FOXN3: variants seen among roughly 807,000 people sequenced by gnomAD.
FOXN3 encodes the protein forkhead box protein N3.
Under a neutral mutation model 38.4 loss-of-function variants are expected in FOXN3, and 7 were observed. The observed-to-expected ratio is 0.18, with a 90% CI of 0.10 to 0.34. The LOEUF is 0.34. Among genes scored for constraint, FOXN3 ranks in the 10% least tolerant of loss-of-function variants. FOXN3 has a pLI of 1.00. For synonymous variants in FOXN3, 230 were observed against 242.2 expected, an observed-to-expected ratio of 0.95 and a Z score of 0.47; for missense variants, 456 against 613.4, an observed-to-expected ratio of 0.74 and a Z score of 2.71.
chr14:89,436,596 G>C (rs558667468), intron 1 of FOXN3, among the ~76,000 whole-genome samples: 2 of 152,202 alleles, frequency 1.3e-5, no homozygotes, highest in Non-Finnish European at 2.9e-5. Flanking sequence ...TTAGGACTCA[G>C]TGCACAAATC....
rs8011758 is a variant in FOXN3 at position 89,160,115 on chromosome 14, C to G, written c.*2299G>C. On this transcript the variant is annotated 3_prime_UTR_variant, in exon 6 of 6. Coordinates refer to ENST00000557258, the MANE Select transcript of FOXN3 (RefSeq NM_005197.4). ...CATCTCTGTTCCCTCCCTCTCCTCA[C>G]GCATCATATCCTGAGCCACAGTACT... is the stretch of plus-strand genomic sequence containing the variant. 2 of 151,746 alleles carry G rather than the reference C, an allele frequency of 1.3e-5. No homozygotes were observed. The highest frequency in any genetic ancestry group is 2.4e-5 in the African/African-American group (1 of 41,246). The allele number at this position is 151,746 out of a possible 1,614,324, so 9.4% of individuals were successfully genotyped here.
intron 3 of FOXN3, among the ~76,000 whole-genome samples, chr14:89,320,029 A>G (rs1887852378): frequency 6.6e-6 from 1 of 152,212 alleles, no homozygotes; most frequent in Admixed American, 6.5e-5. Context: ...ATCAAACACA[A>G]TTAAAACTTT....
chr14:89,556,241 T>C (rs1200985498), intron 1 of FOXN3, among the ~76,000 whole-genome samples: 3 of 151,924 alleles, frequency 2.0e-5, no homozygotes, highest in Non-Finnish European at 4.4e-5. Flanking sequence ...CCGTCTCTAC[T>C]AAAAATACAA....
chr14:89,313,853 G>A (rs914613367), intron 3 of FOXN3, among the ~76,000 whole-genome samples: 1 of 152,204 alleles, frequency 6.6e-6, no homozygotes, highest in African/African-American at 2.4e-5. Flanking sequence ...GAATCTTGGG[G>A]ACACTGCGCT....
At chr14:89,563,443 C>G (rs1895289056) in intron 1 of FOXN3, among the ~76,000 whole-genome samples, 1 of 152,188 alleles carries the variant, frequency 6.6e-6, no homozygotes, top group South Asian at 2.1e-4. Context: ...GGTCTTGTGG[C>G]TGCTAATCCA....
chr14:89,537,767 A>G (rs1432819885), intron 1 of FOXN3, among the ~76,000 whole-genome samples: 3 of 152,254 alleles, frequency 2.0e-5, no homozygotes, highest in Non-Finnish European at 4.4e-5. Flanking sequence ...AAGAACAAAC[A>G]AACAACAAAA....
intron 4 of FOXN3, among the ~76,000 whole-genome samples, chr14:89,257,766 G>T (rs1885670602): frequency 6.6e-6 from 1 of 152,128 alleles, no homozygotes; most frequent in South Asian, 2.1e-4. Flanking sequence ...ACAAAAAAAT[G>T]AAAGTTTCAA....
intron 1 of FOXN3, among the ~76,000 whole-genome samples, chr14:89,414,549 CG>C (rs1398021175): frequency 7.1e-6 from 1 of 141,830 alleles, no homozygotes; most frequent in Non-Finnish European, 1.5e-5. Flanking sequence ...GAGGCCCAAC[CG>C]GTTTTTTTTT....
intron 1 of FOXN3, among the ~76,000 whole-genome samples, chr14:89,485,766 G>A (rs940968210): frequency 1.3e-5 from 2 of 152,136 alleles, no homozygotes; most frequent in African/African-American, 2.4e-5. Context: ...CTGGTTCTGG[G>A]TGGGGCAGAA....
intron 1 of FOXN3, among the ~76,000 whole-genome samples, chr14:89,506,296 C>T (rs1466209179): frequency 1.3e-4 from 10 of 77,330 alleles, no homozygotes; most frequent in Non-Finnish European, 1.8e-4. Flanking sequence ...GCCCCCCGCC[C>T]GGCCAGCCGC....
chr14:89,323,014 C>T (rs764071650), intron 3 of FOXN3, among the ~76,000 whole-genome samples: 21 of 151,974 alleles, frequency 1.4e-4, no homozygotes, highest in South Asian at 2.1e-4. Flanking sequence ...GGGAGCCGGG[C>T]GCAGTGGCTC....
chr14:89,499,504 T>C (rs528142842), intron 1 of FOXN3, among the ~76,000 whole-genome samples: 2 of 151,972 alleles, frequency 1.3e-5, no homozygotes, highest in East Asian at 1.9e-4. Context: ...CATTATAAGG[T>C]TTGTAAATCA....
At chr14:89,422,169 G>A (rs1465094216), upstream of FOXN3, among the ~76,000 whole-genome samples, 1 of 152,212 alleles carries the variant, frequency 6.6e-6, no homozygotes, top group African/African-American at 2.4e-5. Context: ...ACCGCACCTG[G>A]CCCATTACAT....
chr14:89,534,298 T>C (rs1894637940), intron 1 of FOXN3, among the ~76,000 whole-genome samples: 1 of 151,736 alleles, frequency 6.6e-6, no homozygotes, highest in African/African-American at 2.4e-5. Flanking sequence ...TAGAGACGGG[T>C]TTCACCATGT....
intron 2 of FOXN3, among the ~76,000 whole-genome samples, chr14:89,402,674 C>T (rs548942807): frequency 1.3e-5 from 2 of 152,306 alleles, no homozygotes; most frequent in Admixed American, 1.3e-4. Context: ...CTGCACTCCC[C>T]TTCTTGCTTC....
intron 5 of FOXN3, among the ~76,000 whole-genome samples, chr14:89,174,585 A>G (rs1887471879): frequency 6.6e-6 from 1 of 152,174 alleles, no homozygotes; most frequent in Admixed American, 6.5e-5. Flanking sequence ...CAACATGAAA[A>G]GGAGCCACCA....
intron 1 of FOXN3, among the ~76,000 whole-genome samples, chr14:89,553,767 G>C (rs1024669683): frequency 6.6e-6 from 1 of 152,160 alleles, no homozygotes; most frequent in Non-Finnish European, 1.5e-5. Flanking sequence ...ATAAAGACTG[G>C]CAGATCAAGG....
At chr14:89,238,375 C>A (rs78739660) in intron 4 of FOXN3, among the ~76,000 whole-genome samples, 2 of 152,206 alleles carry the variant, frequency 1.3e-5, no homozygotes, top group South Asian at 4.1e-4. Context: ...ACATCTGGAA[C>A]AAATCTGATC....
chr14:89,365,871 G>C (rs183409813), intron 2 of FOXN3, among the ~76,000 whole-genome samples: 1 of 152,186 alleles, frequency 6.6e-6, no homozygotes, highest in Non-Finnish European at 1.5e-5. Flanking sequence ...CACATGGAGA[G>C]ATTTTAAAAT....
Sources: allele counts gnomAD v4.1 joint callset (sites outside exome capture counted in the v4.1 genomes callset), GRCh38; gene constraint gnomAD v4.1.1; transcripts MANE v1.5; gene names NCBI Gene and HGNC (gene_info 2026-07-23, HGNC 2026-07-21).